Variants in CFAP100 observed in about 807,000 individuals in gnomAD.
The protein encoded by CFAP100 is cilia- and flagella-associated protein 100.
In CFAP100, 70 loss-of-function variants were observed where a neutral mutation model predicts 81.5. The ratio of observed to expected loss-of-function variants is 0.86; its 90% CI spans 0.71 to 1.05. The LOEUF (loss-of-function observed/expected upper bound fraction) is 1.05. CFAP100 is among the 50% of genes least tolerant of loss of function. The pLI, the probability that CFAP100 is intolerant of heterozygous loss-of-function variation, is 0.00. For synonymous variants in CFAP100, 341 were observed against 314.8 expected, an observed-to-expected ratio of 1.08 and a Z score of -0.88; for missense variants, 811 against 776.5, an observed-to-expected ratio of 1.04 and a Z score of -0.53.
chr3:126,399,335 C>T (rs921906583), intron 2 of CFAP100, among the ~76,000 whole-genome samples: 1 of 152,170 alleles, frequency 6.6e-6, no homozygotes, highest in Non-Finnish European at 1.5e-5. Flanking sequence ...AGATCAAGAG[C>T]AAAACAGTGA....
intron 13 of CFAP100, among the ~76,000 whole-genome samples, chr3:126,429,987 G>A (rs992006550): frequency 7.2e-5 from 11 of 151,910 alleles, no homozygotes; most frequent in Admixed American, 3.3e-4. Flanking sequence ...ATATCAACCC[G>A]TTTTCTCCTG....
intron 16 of CFAP100, 88 bp downstream of exon 16, chr3:126,435,740 C>A: frequency 4.7e-6 from 5 of 1,067,742 alleles, no homozygotes; most frequent in Non-Finnish European, 6.9e-6. Context: ...GCCCCTGATG[C>A]TACCACTCTG....
intron 2 of CFAP100, among the ~76,000 whole-genome samples, chr3:126,397,932 C>T (rs1463720033): frequency 6.6e-6 from 1 of 152,136 alleles, no homozygotes; most frequent in African/African-American, 2.4e-5. Flanking sequence ...GCATTCTAGG[C>T]GGCTGGCCAG....
At chr3:126,395,811 G>A in intron 1 of CFAP100, 131 bp from the exon 2 acceptor site, 1 of 599,256 alleles carries the variant, frequency 1.7e-6, no homozygotes, top group Non-Finnish European at 3.0e-6. Flanking sequence ...CCTCGGGTGG[G>A]AGAGGCAGGG....
At chr3:126,434,561 T>C in intron 15 of CFAP100, 180 bp downstream of exon 15, 1 of 585,410 alleles carries the variant, frequency 1.7e-6, no homozygotes, top group Non-Finnish European at 2.9e-6. Flanking sequence ...AAGTGGGGGG[T>C]GGTTAGGGAA....
Position 126,436,480 on chromosome 3 carries a change from C to T in CFAP100, c.*76C>T. The T allele has an allele frequency of 9.3e-7, 1 of 1,079,290 alleles. No homozygotes were observed. Among genetic ancestry groups the T allele is most frequent in the Non-Finnish European group, 1.4e-6 (1 of 719,470 alleles). The allele number at this position is 1,079,290 out of a possible 1,614,324, so 66.9% of individuals were successfully genotyped here. A position where few individuals can be genotyped will look rare whatever the true frequency, so the allele number is the denominator to read the frequency against. ...AGAGGAAGCAGAGACTGGGCTGGGT[C>T]TCGAGTGGCCCAACTGAGTCCTCTC... On this transcript the variant is annotated 3_prime_UTR_variant, in exon 17 of 17. Transcript: ENST00000352312.
At chr3:126,396,334 C>G (rs1439816064) in intron 2 of CFAP100, among the ~76,000 whole-genome samples, 1 of 152,138 alleles carries the variant, frequency 6.6e-6, no homozygotes, top group South Asian at 2.1e-4. Flanking sequence ...GGGCTCTGAG[C>G]GAGAACCCAT....
intron 5 of CFAP100, chr3:126,418,039 G>GCCGTATCATTAAAAAA: frequency 5.8e-6 from 1 of 172,358 alleles, no homozygotes; most frequent in Non-Finnish European, 1.2e-5. Context: ...CAGTTTGCTC[G>GCCGTATCATTAAAAAA]GGGGGCTTAG....
At position 126,418,549 on chromosome 3, in the gene CFAP100, G is replaced by A. The variant is rs753967315; in HGVS notation, c.486+24G>A. ...AGGTAGGTCCCGTGGCCCCCAGAGCGATGGATGCCAGCAGTGGCTGGCCCG... is the reference window on the plus strand; with the variant it reads ...AGGTAGGTCCCGTGGCCCCCAGAGCAATGGATGCCAGCAGTGGCTGGCCCG... On this transcript the variant is annotated intron_variant, in intron 6 of 16. Coordinates refer to ENST00000352312, the MANE Select transcript of CFAP100 (RefSeq NM_182628.3). 2.2e-5 allele frequency: 36 copies of A among 1,613,806 alleles called. No homozygotes were observed. The South Asian group carries it at 3.0e-4, about 13-fold the overall frequency.
chr3:126,419,040 G>GGCC, intron 7 of CFAP100, 36 bp from the exon 8 acceptor site: 1 of 801,212 alleles, frequency 1.2e-6, no homozygotes, highest in Non-Finnish European at 2.1e-6. Flanking sequence ...CTGGCCCCTT[G>GGCC]CCCCCATCCC....
At chr3:126,399,636 CA>C (rs1444126075) in intron 2 of CFAP100, among the ~76,000 whole-genome samples, 1 of 152,150 alleles carries the variant, frequency 6.6e-6, no homozygotes, top group African/African-American at 2.4e-5. Flanking sequence ...TCATTGACAA[CA>C]GGGGTGACAT....
intron 2 of CFAP100, among the ~76,000 whole-genome samples, chr3:126,400,163 C>T (rs1265307129): frequency 6.6e-6 from 1 of 152,104 alleles, no homozygotes; most frequent in African/African-American, 2.4e-5. Flanking sequence ...AATCCTAACA[C>T]TCAACAAGAA....
chr3:126,402,879 G>C (rs2083006754), intron 2 of CFAP100, among the ~76,000 whole-genome samples: 1 of 152,064 alleles, frequency 6.6e-6, no homozygotes, highest in Non-Finnish European at 1.5e-5. Context: ...CAGAGAACCA[G>C]CAAATAGGAT....
At chr3:126,408,555 A>C (rs543049236) in intron 3 of CFAP100, among the ~76,000 whole-genome samples, 1 of 152,088 alleles carries the variant, frequency 6.6e-6, no homozygotes, top group South Asian at 2.1e-4. Context: ...CTGCTTCCTG[A>C]TGCTGGCACT....
At chr3:126,399,500 A>T (rs187716125) in intron 2 of CFAP100, among the ~76,000 whole-genome samples, 25 of 152,362 alleles carry the variant, frequency 1.6e-4, no homozygotes, top group Non-Finnish European at 2.4e-4. Context: ...GAAAATCTCA[A>T]AGAATCCACA....
chr3:126,427,243 C>A (rs1211973926), intron 13 of CFAP100, among the ~76,000 whole-genome samples: 1 of 152,164 alleles, frequency 6.6e-6, no homozygotes, highest in Non-Finnish European at 1.5e-5. Flanking sequence ...CACTAGCCAA[C>A]CTCAAGACTT....
chr3:126,396,050 G>C lies in CFAP100; in HGVS notation c.49+1G>C, dbSNP rs748420967. On this transcript the variant is annotated splice_donor_variant, in intron 2 of 16. Transcript: ENST00000352312. LOFTEE classifies it high-confidence loss of function. ...GTCTCCAAGAACATGACCAATGACA[G>C]TAAGTACCGGGCCAGGGTGGGCACT... 1.2e-6 allele frequency: 2 copies of C among 1,613,606 alleles called. No homozygotes were observed. Among genetic ancestry groups the C allele is most frequent in the Non-Finnish European group, 1.7e-6 (2 of 1,179,508 alleles).
At chr3:126,401,047 G>A (rs1027081998) in intron 2 of CFAP100, among the ~76,000 whole-genome samples, 10 of 152,158 alleles carry the variant, frequency 6.6e-5, no homozygotes, top group African/African-American at 2.4e-4. Context: ...GTACAAATGA[G>A]CTGGGAAACC....
chr3:126,423,673 C>T (rs754957682), intron 13 of CFAP100, 29 bp downstream of exon 13: 4 of 1,612,316 alleles, frequency 2.5e-6, no homozygotes, highest in Admixed American at 1.7e-5. Context: ...CCAGTGGGGG[C>T]TCCCTGCCGC....
Sources: allele counts gnomAD v4.1 joint callset (sites outside exome capture counted in the v4.1 genomes callset), GRCh38; gene constraint gnomAD v4.1.1; transcripts MANE v1.5; gene names NCBI Gene and HGNC (gene_info 2026-07-23, HGNC 2026-07-21).